Variants in LRP1B observed in about 807,000 individuals in gnomAD.
LRP1B encodes the protein low-density lipoprotein receptor-related protein 1B.
LRP1B carries 217 observed loss-of-function variants against 556.6 expected under a neutral mutation model. The observed-to-expected ratio is 0.39, with a 90% CI of 0.35 to 0.44. LRP1B has a LOEUF of 0.44. Ranked by LOEUF, LRP1B falls within the 20% of genes least tolerant of loss-of-function variation. The probability of loss-of-function intolerance (pLI) is 1.00; values close to 1 mark genes in which losing one functional copy is unlikely to be tolerated. For missense variants in LRP1B, 5,053 were observed against 5,620.8 expected (o/e 0.90, Z 3.23); for synonymous variants, 2,047 against 1,865.8 (o/e 1.10, Z -2.50).
intron 2 of LRP1B, among the ~76,000 whole-genome samples, chr2:141,738,972 A>T (rs933580186): frequency 6.6e-6 from 1 of 152,148 alleles, no homozygotes; most frequent in Non-Finnish European, 1.5e-5. Context: ...ATCCACACAG[A>T]CACATTGCAA....
intron 1 of LRP1B, among the ~76,000 whole-genome samples, chr2:141,814,152 T>C (rs888418819): frequency 1.9e-4 from 29 of 152,208 alleles, no homozygotes; most frequent in Admixed American, 1.6e-3. Flanking sequence ...AGGTATGAGA[T>C]AATCAGGAAG....
At chr2:141,897,149 T>C (rs944421738) in intron 1 of LRP1B, among the ~76,000 whole-genome samples, 6 of 151,956 alleles carry the variant, frequency 3.9e-5, no homozygotes, top group African/African-American at 1.2e-4. Context: ...TGAGTTTAGG[T>C]CAGAAAAAGT....
chr2:140,537,840 C>T (rs1186588534), intron 45 of LRP1B, among the ~76,000 whole-genome samples: 1 of 151,966 alleles, frequency 6.6e-6, no homozygotes, highest in South Asian at 2.1e-4. Flanking sequence ...TATGTGATCC[C>T]TATTTTGAAG....
chr2:141,830,333 C>T (rs1404632145), intron 1 of LRP1B, among the ~76,000 whole-genome samples: 1 of 151,724 alleles, frequency 6.6e-6, no homozygotes, highest in Non-Finnish European at 1.5e-5. Flanking sequence ...AACCTCATCA[C>T]CTCCCACCTT....
At chr2:141,422,445 T>C (rs1256680034) in intron 3 of LRP1B, among the ~76,000 whole-genome samples, 1 of 152,198 alleles carries the variant, frequency 6.6e-6, no homozygotes, top group Non-Finnish European at 1.5e-5. Flanking sequence ...CTATTGTAGA[T>C]TTAAGTTTAA....
At chr2:141,588,756 T>C (rs1391738537) in intron 2 of LRP1B, among the ~76,000 whole-genome samples, 4 of 152,336 alleles carry the variant, frequency 2.6e-5, no homozygotes, top group South Asian at 4.1e-4. Flanking sequence ...GGTGAATGAA[T>C]GGATTTTTAT....
intron 2 of LRP1B, among the ~76,000 whole-genome samples, chr2:141,722,195 T>G (rs1308560399): frequency 5.9e-5 from 9 of 152,142 alleles, no homozygotes; most frequent in Admixed American, 5.9e-4. Context: ...CTGGCCAACA[T>G]GGTGAAACCC....
intron 3 of LRP1B, among the ~76,000 whole-genome samples, chr2:141,329,643 C>CAAAAAAA (rs71391650): frequency 2.8e-4 from 8 of 28,974 alleles, no homozygotes; most frequent in East Asian, 6.0e-4. Flanking sequence ...GACTCTGTCT[C>CAAAAAAA]AAAAAAAAAA....
intron 7 of LRP1B, among the ~76,000 whole-genome samples, chr2:141,144,133 G>A (rs550057401): frequency 2.0e-5 from 3 of 152,022 alleles, no homozygotes; most frequent in Admixed American, 1.3e-4. Context: ...TTTTTGACCT[G>A]TCTACTCTCA....
chr2:140,867,544 G>T, intron 27 of LRP1B, 46 bp downstream of exon 27: 1 of 1,549,452 alleles, frequency 6.5e-7, no homozygotes, highest in Non-Finnish European at 8.7e-7. Context: ...TGATTAAGAT[G>T]ATAATACTTT....
chr2:142,115,457 CTATA>C (rs148369819), intron 1 of LRP1B, among the ~76,000 whole-genome samples: 32,768 of 87,134 alleles, frequency 0.38, 8,134 homozygotes, highest in East Asian at 0.64. Flanking sequence ...GAGTCTATAC[CTATA>C]TATATATATT....
At chr2:141,111,600 A>T (rs1700752147) in intron 7 of LRP1B, among the ~76,000 whole-genome samples, 1 of 152,184 alleles carries the variant, frequency 6.6e-6, no homozygotes, top group Non-Finnish European at 1.5e-5. Context: ...CTAGGGGAAT[A>T]CGGTGGAGCC....
chr2:140,473,121 GCT>G (rs1687836488), intron 60 of LRP1B, among the ~76,000 whole-genome samples: 1 of 151,920 alleles, frequency 6.6e-6, no homozygotes, highest in Admixed American at 6.6e-5. Context: ...CAAATTAATG[GCT>G]CTTTCTTTCG....
chr2:140,587,056 A>T (rs144439632), intron 43 of LRP1B, among the ~76,000 whole-genome samples: 13 of 152,302 alleles, frequency 8.5e-5, no homozygotes, highest in African/African-American at 2.9e-4. Context: ...TGAACGTAAA[A>T]TAACTTAAAT....
chr2:141,311,956 T>C (rs1320101270), intron 3 of LRP1B, among the ~76,000 whole-genome samples: 12 of 152,082 alleles, frequency 7.9e-5, no homozygotes, highest in Non-Finnish European at 4.4e-5. Flanking sequence ...CTGGAAAAGT[T>C]TGGAGGAGCA....
At chr2:140,660,872 T>TTG (rs764179124) in intron 41 of LRP1B, among the ~76,000 whole-genome samples, 4 of 41,110 alleles carry the variant, frequency 9.7e-5, no homozygotes, top group African/African-American at 5.8e-4. Context: ...TCTTTTTGTG[T>TTG]TTTTTTTTTT....
At chr2:141,867,923 T>G (rs1698465651) in intron 1 of LRP1B, among the ~76,000 whole-genome samples, 1 of 152,278 alleles carries the variant, frequency 6.6e-6, no homozygotes, top group African/African-American at 2.4e-5. Context: ...ATGAACTATT[T>G]GGACATCCTT....
intron 83 of LRP1B, among the ~76,000 whole-genome samples, chr2:140,312,304 A>G (rs1372571947): frequency 1.3e-5 from 2 of 151,986 alleles, no homozygotes; most frequent in Non-Finnish European, 2.9e-5. Context: ...TAGGAGTAGA[A>G]GAAAGTAATT....
chr2:141,953,450 T>C (rs745538475), intron 1 of LRP1B, among the ~76,000 whole-genome samples: 21 of 152,072 alleles, frequency 1.4e-4, no homozygotes, highest in Non-Finnish European at 2.6e-4. Context: ...ACTACCTCTA[T>C]CCATCTTCTG....
Sources: gnomAD v4.1 joint callset for allele counts (sites outside exome capture counted in the v4.1 genomes callset) on GRCh38, gnomAD v4.1.1 for gene constraint, MANE v1.5 for transcripts, NCBI Gene and HGNC (gene_info 2026-07-23, HGNC 2026-07-21) for gene names.